Variants in METAP1 observed in about 807,000 individuals in gnomAD.
METAP1 encodes the protein methionine aminopeptidase 1.
Under a neutral mutation model 53.8 loss-of-function variants are expected in METAP1, and 28 were observed. The observed-to-expected ratio is 0.52, with a 90% CI of 0.39 to 0.71. The LOEUF (loss-of-function observed/expected upper bound fraction) is 0.71. METAP1 is among the 30% of genes least tolerant of loss of function. The pLI is 0.00. For synonymous variants in METAP1, 181 were observed against 165.7 expected, an observed-to-expected ratio of 1.09 and a Z score of -0.71; for missense variants, 389 against 479.8, an observed-to-expected ratio of 0.81 and a Z score of 1.77.
At chr4:99,023,629 G>T (rs1579272863) in intron 1 of METAP1, 1 of 985,390 alleles carries the variant, frequency 1.0e-6, no homozygotes, top group South Asian at 4.7e-5. Context: ...ACCATTTAAT[G>T]TTAATTCTAG....
At chr4:99,015,833 GA>G (rs2110294512) in intron 1 of METAP1, among the ~76,000 whole-genome samples, 1 of 152,272 alleles carries the variant, frequency 6.6e-6, no homozygotes, top group Non-Finnish European at 1.5e-5. Context: ...TAAAATGAGA[GA>G]TAGTGAGAGG....
intron 1 of METAP1, among the ~76,000 whole-genome samples, chr4:99,004,748 AT>A (rs1176365444): frequency 6.6e-6 from 1 of 151,826 alleles, no homozygotes; most frequent in African/African-American, 2.4e-5. Flanking sequence ...TGTTTTTGAA[AT>A]TTTTTTTACC....
Position 99,061,618 on chromosome 4 carries a change from C to T in METAP1, c.*301C>T. 4.5e-6 allele frequency: 1 copy of T among 224,012 alleles called. No homozygotes were observed. Among genetic ancestry groups the T allele is most frequent in the Admixed American group, 5.7e-5 (1 of 17,418 alleles). The allele number at this position is 224,012 out of a possible 1,614,324, so 13.9% of individuals were successfully genotyped here. A position where few individuals can be genotyped will look rare whatever the true frequency, so the allele number is the denominator to read the frequency against. On this transcript the variant is annotated 3_prime_UTR_variant, in exon 11 of 11. Coordinates refer to ENST00000296411, the MANE Select transcript of METAP1 (RefSeq NM_015143.3). ...AGTTGCTTTTATCACTGCCGCAAAA[C>T]AGCCATCAAGAGCCATCTGCTTTCC... is the stretch of plus-strand genomic sequence containing the variant.
chr4:99,028,770 AAATAGTTTAC>A, intron 1 of METAP1, 87 bp from the exon 2 acceptor site: 4 of 868,328 alleles, frequency 4.6e-6, no homozygotes, highest in Non-Finnish European at 6.8e-6. Context: ...TGGTTTTTGC[AAATAGTTTAC>A]AATAACTCTT....
intron 1 of METAP1, chr4:99,023,417 T>A: frequency 2.3e-6 from 2 of 887,256 alleles, no homozygotes; most frequent in Middle Eastern, 5.8e-4. Context: ...AGTATTTATA[T>A]ATATGTTATA....
At chr4:99,052,484 G>T (rs369236888) in intron 9 of METAP1, among the ~76,000 whole-genome samples, 25 of 152,332 alleles carry the variant, frequency 1.6e-4, no homozygotes, top group African/African-American at 5.5e-4. Flanking sequence ...GGCAAAGAGG[G>T]AGTGAGTGTC....
chr4:99,053,105 T>G (rs931122947), intron 9 of METAP1, among the ~76,000 whole-genome samples: 5 of 152,218 alleles, frequency 3.3e-5, no homozygotes, highest in African/African-American at 1.2e-4. Flanking sequence ...CTGCAGTTAC[T>G]TGCTCCACTA....
chr4:99,047,949 A>G (rs1446266781), intron 8 of METAP1, among the ~76,000 whole-genome samples: 8 of 152,182 alleles, frequency 5.3e-5, no homozygotes, highest in Admixed American at 3.9e-4. Context: ...TTTGAGAACT[A>G]TTTTTATGGG....
In METAP1 at chr4:99,061,837, T is replaced by A. The variant is rs1318534964; in HGVS notation, c.*520T>A. On this transcript the variant is annotated 3_prime_UTR_variant, in exon 11 of 11. Transcript: ENST00000296411. ...TATGTTCTTACAAATGGATCCATAG[T>A]TTGCAGTGATTTAATTCCTGGTTGG... The A allele has an allele frequency of 6.6e-6, 1 of 152,234 alleles. No individual in the cohort carries two copies. Among genetic ancestry groups the A allele is most frequent in the Admixed American group, 6.5e-5 (1 of 15,276 alleles). 9.4% of individuals were successfully genotyped at this position (152,234 alleles called of 1,614,324 possible). A position where few individuals can be genotyped will look rare whatever the true frequency, so the allele number is the denominator to read the frequency against.
At chr4:99,050,893 G>A (rs964988559) in intron 9 of METAP1, among the ~76,000 whole-genome samples, 4 of 152,204 alleles carry the variant, frequency 2.6e-5, no homozygotes, top group Non-Finnish European at 4.4e-5. Context: ...ATAGGTTGGG[G>A]ACTGCTGGTT....
At chr4:99,037,147 C>CT (rs1725477664) in intron 4 of METAP1, among the ~76,000 whole-genome samples, 1 of 151,456 alleles carries the variant, frequency 6.6e-6, no homozygotes, top group Non-Finnish European at 1.5e-5. Context: ...TATCCTTAGC[C>CT]TTTTTTTCCC....
chr4:99,016,205 T>C (rs1368294545), intron 1 of METAP1, among the ~76,000 whole-genome samples: 2 of 152,248 alleles, frequency 1.3e-5, no homozygotes, highest in Non-Finnish European at 2.9e-5. Context: ...AAGGAACTGA[T>C]CTTTGGTTTC....
rs35135230 is a variant in METAP1, at chr4:99,060,360, C to CTTTT, written c.998-776_998-773dup. Among the ~76,000 whole-genome samples the CTTTT allele has an allele frequency of 5.6e-4, 58 of 103,616 alleles. 2 individuals carry two copies. The highest frequency in any genetic ancestry group is 8.2e-4 in the Non-Finnish European group (44 of 53,764). 68.0% of individuals were successfully genotyped at this position (103,616 alleles called of 152,430 possible). A position where few individuals can be genotyped will look rare whatever the true frequency, so the allele number is the denominator to read the frequency against. On this transcript the variant is annotated intron_variant, in intron 10 of 10. Transcript: ENST00000296411. ...TAGAAGTGGAATCATTAAGCACATG[C>CTTTT]TTTTTTTTTTTTTTTTTTTTTGAGA...
At chr4:99,056,228 C>T (rs1266598245) in intron 9 of METAP1, among the ~76,000 whole-genome samples, 1 of 152,166 alleles carries the variant, frequency 6.6e-6, no homozygotes, top group Non-Finnish European at 1.5e-5. Flanking sequence ...TATTAGCCAT[C>T]TGGTGGTCAG....
intron 1 of METAP1, among the ~76,000 whole-genome samples, chr4:99,000,267 C>G (rs1320648801): frequency 6.6e-6 from 1 of 152,166 alleles, no homozygotes; most frequent in Non-Finnish European, 1.5e-5. Flanking sequence ...GTTAGAGGAT[C>G]AGCTGGGAGG....
At position 99,043,342 on chromosome 4, in the gene METAP1, G is replaced by A; in HGVS notation, c.610G>A (p.Gly204Arg). ...CTSVNEVICH[G>R]IPDRRPLQEG... ...CTCAGTGAATGAAGTCATTTGCCAT[G>A]GAATACCAGACAGAAGGCCCTTACA... The change falls in exon 7 of 11, where the codon GGA becomes AGA. Residue 204 changes from glycine to arginine, a missense_variant. By Grantham distance (125) the Gly-to-Arg change is moderately radical. Coordinates refer to ENST00000296411, the MANE Select transcript of METAP1 (RefSeq NM_015143.3). 6.2e-7 allele frequency: 1 copy of A among 1,605,728 alleles called. No individual in the cohort carries two copies. Among genetic ancestry groups the A allele is most frequent in the Non-Finnish European group, 8.5e-7 (1 of 1,175,676 alleles).
At chr4:99,036,600 A>G (rs1252501487) in intron 4 of METAP1, among the ~76,000 whole-genome samples, 2 of 151,874 alleles carry the variant, frequency 1.3e-5, no homozygotes, top group Non-Finnish European at 2.9e-5. Context: ...AACTATATTT[A>G]CCTTTTCACC....
intron 1 of METAP1, among the ~76,000 whole-genome samples, chr4:99,002,737 T>G (rs141388014): frequency 2.0e-5 from 3 of 152,278 alleles, no homozygotes; most frequent in African/African-American, 7.2e-5. Flanking sequence ...GATTTCTTCC[T>G]GATACACCAG....
intron 2 of METAP1, among the ~76,000 whole-genome samples, chr4:99,030,147 G>A (rs1338277739): frequency 6.6e-6 from 1 of 152,126 alleles, no homozygotes; most frequent in Non-Finnish European, 1.5e-5. Flanking sequence ...TTATACCCAG[G>A]AAGTTAAAAG....
Sources: gnomAD v4.1 joint callset for allele counts (sites outside exome capture counted in the v4.1 genomes callset) on GRCh38, gnomAD v4.1.1 for gene constraint, MANE v1.5 for transcripts, NCBI Gene and HGNC (gene_info 2026-07-23, HGNC 2026-07-21) for gene names.